Variants in NKAIN2 observed in about 807,000 individuals in gnomAD.
The protein encoded by NKAIN2 is sodium/potassium-transporting ATPase subunit beta-1-interacting protein 2.
A neutral mutation model predicts 32.6 loss-of-function variants in NKAIN2; 14 were observed. That is an observed-to-expected ratio of 0.43 (90% confidence interval 0.28 to 0.67). NKAIN2 has a LOEUF of 0.67. Ranked by LOEUF, NKAIN2 falls within the 30% of genes least tolerant of loss-of-function variation. The probability of loss-of-function intolerance (pLI) is 0.17; values close to 1 mark genes in which losing one functional copy is unlikely to be tolerated. For missense variants in NKAIN2, 198 were observed against 258.3 expected (o/e 0.77, Z 1.60); for synonymous variants, 80 against 87.2 (o/e 0.92, Z 0.46).
intron 1 of NKAIN2, among the ~76,000 whole-genome samples, chr6:124,066,217 T>C (rs984183653): frequency 3.3e-5 from 5 of 152,154 alleles, no homozygotes; most frequent in Admixed American, 2.6e-4. Context: ...CTTAGTCTGT[T>C]AACTTCTTAG....
intron 4 of NKAIN2, among the ~76,000 whole-genome samples, chr6:124,688,392 G>A (rs916071226): frequency 1.3e-5 from 2 of 151,800 alleles, no homozygotes; most frequent in African/African-American, 4.8e-5. Context: ...AAGTACCCCT[G>A]CCCCTCCACA....
chr6:124,562,903 T>C (rs1202327073), intron 3 of NKAIN2, among the ~76,000 whole-genome samples: 1 of 149,390 alleles, frequency 6.7e-6, no homozygotes, highest in Non-Finnish European at 1.5e-5. Flanking sequence ...ATTTTTTGTT[T>C]CTTTTTTTTT....
intron 1 of NKAIN2, among the ~76,000 whole-genome samples, chr6:124,249,963 A>T (rs1037460601): frequency 1.3e-5 from 2 of 152,126 alleles, no homozygotes; most frequent in Non-Finnish European, 2.9e-5. Context: ...GTACTAGGAT[A>T]AGGGGGACAG....
chr6:123,920,055 G>A (rs1380664036), intron 1 of NKAIN2, among the ~76,000 whole-genome samples: 2 of 152,006 alleles, frequency 1.3e-5, no homozygotes, highest in African/African-American at 4.8e-5. Context: ...CCTCCTTAGT[G>A]TTCAGTTATT....
At chr6:124,296,605 G>T (rs1247764038) in intron 2 of NKAIN2, among the ~76,000 whole-genome samples, 2 of 152,118 alleles carry the variant, frequency 1.3e-5, no homozygotes, top group East Asian at 3.9e-4. Context: ...TTGGAGAATG[G>T]TGTACAAAAC....
intron 3 of NKAIN2, among the ~76,000 whole-genome samples, chr6:124,383,365 T>C (rs1005243754): frequency 1.3e-5 from 2 of 152,158 alleles, no homozygotes; most frequent in Admixed American, 6.6e-5. Flanking sequence ...GGGCAGATTG[T>C]ATAAGGTCAC....
At chr6:124,402,108 G>A (rs1773650613) in intron 3 of NKAIN2, among the ~76,000 whole-genome samples, 1 of 152,114 alleles carries the variant, frequency 6.6e-6, no homozygotes, top group South Asian at 2.1e-4. Flanking sequence ...AACATTTCGT[G>A]TGTAGAGACC....
At chr6:123,879,434 A>G (rs1773342888) in intron 1 of NKAIN2, among the ~76,000 whole-genome samples, 1 of 152,294 alleles carries the variant, frequency 6.6e-6, no homozygotes, top group South Asian at 2.1e-4. Context: ...TAACAAAGAA[A>G]TCTGGAATAC....
At chr6:123,835,834 G>C (rs571931624) in intron 1 of NKAIN2, among the ~76,000 whole-genome samples, 2 of 151,844 alleles carry the variant, frequency 1.3e-5, no homozygotes, top group East Asian at 3.9e-4. Flanking sequence ...TTTCTTCTCC[G>C]GCTCCCCCTG....
chr6:124,233,857 C>T (rs1409577955), intron 1 of NKAIN2, among the ~76,000 whole-genome samples: 4 of 152,234 alleles, frequency 2.6e-5, no homozygotes, highest in South Asian at 2.1e-4. Flanking sequence ...CTATACTATA[C>T]GAACATTCCA....
chr6:124,419,605 T>C (rs1774655203), intron 3 of NKAIN2, among the ~76,000 whole-genome samples: 1 of 152,186 alleles, frequency 6.6e-6, no homozygotes, highest in South Asian at 2.1e-4. Context: ...AAATTAACTC[T>C]TACTGCTACT....
chr6:123,900,323 A>T, intron 1 of NKAIN2, among the ~76,000 whole-genome samples: 1 of 151,646 alleles, frequency 6.6e-6, no homozygotes, highest in South Asian at 2.1e-4. Flanking sequence ...TACAAAAAAT[A>T]TTAGCTAGGC....
chr6:124,764,346 T>A (rs377654183), intron 4 of NKAIN2, among the ~76,000 whole-genome samples: 1 of 152,310 alleles, frequency 6.6e-6, no homozygotes, highest in African/African-American at 2.4e-5. Context: ...TGATGACAGA[T>A]CTCATTATTT....
chr6:124,191,298 T>G (rs1222492224), intron 1 of NKAIN2, among the ~76,000 whole-genome samples: 1 of 152,188 alleles, frequency 6.6e-6, no homozygotes, highest in Non-Finnish European at 1.5e-5. Context: ...AGTAATGTTT[T>G]GTAGTTTCTG....
At chr6:124,376,599 G>A (rs1800004837) in intron 3 of NKAIN2, among the ~76,000 whole-genome samples, 1 of 152,186 alleles carries the variant, frequency 6.6e-6, no homozygotes, top group Middle Eastern at 3.4e-3. Context: ...TTAAATCAGA[G>A]AACATGTGAC....
intron 4 of NKAIN2, among the ~76,000 whole-genome samples, chr6:124,680,719 A>G (rs1422867286): frequency 6.6e-6 from 1 of 152,072 alleles, no homozygotes; most frequent in Non-Finnish European, 1.5e-5. Context: ...CATACTCTCA[A>G]TGGACAAAAT....
At chr6:124,698,656 C>T (rs1316086267) in intron 4 of NKAIN2, among the ~76,000 whole-genome samples, 1 of 152,178 alleles carries the variant, frequency 6.6e-6, no homozygotes. Flanking sequence ...CTTTGACTGT[C>T]ATTCCTATGC....
At chr6:123,824,514 T>A (rs1774061691) in intron 1 of NKAIN2, among the ~76,000 whole-genome samples, 1 of 152,082 alleles carries the variant, frequency 6.6e-6, no homozygotes, top group Admixed American at 6.6e-5. Flanking sequence ...CATCAGCTCC[T>A]ATGCACCTCA....
At chr6:124,727,264 C>T (rs1195326390) in intron 4 of NKAIN2, among the ~76,000 whole-genome samples, 1 of 151,700 alleles carries the variant, frequency 6.6e-6, no homozygotes. Context: ...GTCAGATTCA[C>T]CAAAGTTGAA....
Sources: allele counts gnomAD v4.1 joint callset (sites outside exome capture counted in the v4.1 genomes callset), GRCh38; gene constraint gnomAD v4.1.1; transcripts MANE v1.5; gene names NCBI Gene and HGNC (gene_info 2026-07-23, HGNC 2026-07-21).